DCTN4: variants seen among roughly 807,000 people sequenced by gnomAD.
DCTN4 encodes dynactin 4 (p62).
In DCTN4, 23 loss-of-function variants were observed where a neutral mutation model predicts 62.7. That is an observed-to-expected ratio of 0.37 (90% confidence interval 0.26 to 0.52). The LOEUF (loss-of-function observed/expected upper bound fraction) is 0.52, where lower values mean the gene tolerates loss of function less well. Ranked by LOEUF, DCTN4 falls within the 20% of genes least tolerant of loss-of-function variation. The pLI, the probability that DCTN4 is intolerant of heterozygous loss-of-function variation, is 0.92. For synonymous variants in DCTN4, 199 were observed against 202.1 expected (o/e 0.98, Z 0.13); for missense variants, 514 against 580.4 (o/e 0.89, Z 1.18).
intron 3 of DCTN4, 33 bp from the exon 4 acceptor site, chr5:150,742,190 C>T (rs961941600): frequency 9.4e-6 from 15 of 1,602,332 alleles, no homozygotes; most frequent in Admixed American, 8.3e-5. Context: ...ACAAGACTTT[C>T]ATAATGTGAT....
intron 9 of DCTN4, 115 bp from the exon 10 acceptor site, chr5:150,719,885 A>C: frequency 3.0e-6 from 2 of 660,914 alleles, no homozygotes; most frequent in Non-Finnish European, 5.0e-6. Flanking sequence ...ATGTATCAGA[A>C]AAAAAATAAT....
At chr5:150,728,384 T>C (rs1180331830) in intron 8 of DCTN4, among the ~76,000 whole-genome samples, 5 of 152,168 alleles carry the variant, frequency 3.3e-5, no homozygotes. Context: ...CTGCAGACAT[T>C]GGGTACAGTA....
intron 10 of DCTN4, among the ~76,000 whole-genome samples, chr5:150,718,816 A>T (rs951712056): frequency 6.6e-6 from 1 of 152,048 alleles, no homozygotes; most frequent in Non-Finnish European, 1.5e-5. Context: ...TAAAATTTTT[A>T]TTATTTATTT....
chr5:150,728,746 G>A (rs973559769), intron 8 of DCTN4, among the ~76,000 whole-genome samples: 5 of 152,150 alleles, frequency 3.3e-5, no homozygotes, highest in Admixed American at 2.0e-4. Flanking sequence ...TAAGCATATA[G>A]ATGGATCACT....
intron 10 of DCTN4, 134 bp from the exon 11 acceptor site, chr5:150,718,517 T>G: frequency 1.6e-6 from 1 of 628,550 alleles, no homozygotes; most frequent in Non-Finnish European, 2.9e-6. Context: ...ATCACTGTAT[T>G]CTCTATGTGC....
At position 150,759,003 on chromosome 5, in the gene DCTN4, G is replaced by A. The variant is rs201957740; in HGVS notation, c.-10C>T. The A allele has an allele frequency of 2.1e-4, 335 of 1,612,882 alleles. No individual in the cohort carries two copies. The highest frequency in any genetic ancestry group is 1.4e-3 in the African/African-American group (103 of 74,914). ...GCAGCAAGGACGCCATCTTGGGGAGGGAGGAGGCGATGACGCTCCCGGCGC... is the reference window on the plus strand; with the variant it reads ...GCAGCAAGGACGCCATCTTGGGGAGAGAGGAGGCGATGACGCTCCCGGCGC... On this transcript the variant is annotated 5_prime_UTR_variant, in exon 1 of 13. Coordinates refer to ENST00000447998, the MANE Select transcript of DCTN4 (RefSeq NM_016221.4).
At chr5:150,712,271 A>G (rs565336473) in intron 12 of DCTN4, among the ~76,000 whole-genome samples, 6 of 152,116 alleles carry the variant, frequency 3.9e-5, no homozygotes, top group Non-Finnish European at 8.8e-5. Flanking sequence ...CTGGGATTAC[A>G]GGTGCACACC....
chr5:150,730,118 G>T (rs1760305753), intron 8 of DCTN4, among the ~76,000 whole-genome samples: 1 of 152,164 alleles, frequency 6.6e-6, no homozygotes, highest in Non-Finnish European at 1.5e-5. Flanking sequence ...TATCATGCGG[G>T]ACTGTACAGA....
chr5:150,742,860 AG>A (rs1447437455), intron 3 of DCTN4: 85 of 156,350 alleles, frequency 5.4e-4, no homozygotes, highest in Non-Finnish European at 8.4e-5. Flanking sequence ...ATGGCCGAAT[AG>A]GAACAGCTCC....
chr5:150,720,247 T>TG (rs767666926), intron 9 of DCTN4, among the ~76,000 whole-genome samples: 10 of 152,018 alleles, frequency 6.6e-5, no homozygotes, highest in Non-Finnish European at 1.5e-4. Flanking sequence ...ACATTAAAAG[T>TG]GGGGGAAAAA....
At chr5:150,757,917 T>C in intron 1 of DCTN4, 1 of 223,734 alleles carries the variant, frequency 4.5e-6, no homozygotes, top group Non-Finnish European at 7.5e-6. Context: ...GCTGTGTGAC[T>C]TACAGCGAAC....
chr5:150,741,045 T>A (rs1760749514), intron 4 of DCTN4, among the ~76,000 whole-genome samples: 1 of 151,670 alleles, frequency 6.6e-6, no homozygotes, highest in East Asian at 1.9e-4. Flanking sequence ...AAAAACCTAT[T>A]TTTTTTTCTT....
chr5:150,753,023 G>A (rs1254167218), intron 3 of DCTN4, among the ~76,000 whole-genome samples: 1 of 151,904 alleles, frequency 6.6e-6, no homozygotes, highest in African/African-American at 2.4e-5. Context: ...CCCCCACCAC[G>A]CCCAGCTAAT....
rs2151461246 is a variant in DCTN4, at chr5:150,708,736, A to G, written c.*2413T>C. 1 of 152,944 alleles carries G rather than the reference A, an allele frequency of 6.5e-6. No individual in the cohort carries two copies. Among genetic ancestry groups the G allele is most frequent in the East Asian group, 1.9e-4 (1 of 5,332 alleles). 9.5% of individuals were successfully genotyped at this position (152,944 alleles called of 1,614,324 possible). A position where few individuals can be genotyped will look rare whatever the true frequency, so the allele number is the denominator to read the frequency against. On this transcript the variant is annotated 3_prime_UTR_variant, in exon 13 of 13. Transcript: ENST00000447998. Reference sequence around the variant, plus strand: ...ACTTAGTATCTACATGAGAGCAAACAAAAGACACGCTCAAGCTTTGTCTGC... The same window carrying G: ...ACTTAGTATCTACATGAGAGCAAACGAAAGACACGCTCAAGCTTTGTCTGC...
Position 150,708,748 on chromosome 5 carries a change from C to G in DCTN4, c.*2401G>C, listed in dbSNP as rs550069664. On this transcript the variant is annotated 3_prime_UTR_variant, in exon 13 of 13. Coordinates refer to ENST00000447998, the MANE Select transcript of DCTN4 (RefSeq NM_016221.4). ...CATGAGAGCAAACAAAAGACACGCT[C>G]AAGCTTTGTCTGCTTTATTTCACTA... 6 of 152,900 alleles carry G rather than the reference C, an allele frequency of 3.9e-5. No homozygotes were observed. In the South Asian group the frequency reaches 1.0e-3, roughly 26 times the overall value. 9.5% of individuals were successfully genotyped at this position (152,900 alleles called of 1,614,324 possible).
At chr5:150,750,607 G>C (rs144144096) in intron 3 of DCTN4, among the ~76,000 whole-genome samples, 132 of 152,280 alleles carry the variant, frequency 8.7e-4, no homozygotes, top group African/African-American at 3.0e-3. Context: ...AGTCATACAG[G>C]AATCAACTGT....
At chr5:150,717,011 GAAAA>G (rs1246681728) in intron 11 of DCTN4, among the ~76,000 whole-genome samples, 2 of 134,734 alleles carry the variant, frequency 1.5e-5, no homozygotes, top group African/African-American at 5.5e-5. Flanking sequence ...AAAAGCAGAA[GAAAA>G]AAAAAAAGAG....
intron 12 of DCTN4, among the ~76,000 whole-genome samples, 190 bp downstream of exon 12, chr5:150,715,375 C>T (rs1206774275): frequency 2.0e-5 from 3 of 152,130 alleles, no homozygotes; most frequent in Non-Finnish European, 4.4e-5. Flanking sequence ...TGGTGTTTAT[C>T]TCTGGTGGTG....
chr5:150,730,792 G>T, intron 7 of DCTN4, 52 bp from the exon 8 acceptor site: 1 of 1,458,358 alleles, frequency 6.9e-7, no homozygotes, highest in Non-Finnish European at 9.6e-7. Flanking sequence ...TTCAAAATCA[G>T]ACTTTTATGT....
Sources: allele counts gnomAD v4.1 joint callset (sites outside exome capture counted in the v4.1 genomes callset), GRCh38; gene constraint gnomAD v4.1.1; transcripts MANE v1.5; gene names NCBI Gene and HGNC (gene_info 2026-07-23, HGNC 2026-07-21).